Variants in CSRP1 observed in about 807,000 individuals in gnomAD.
The protein encoded by CSRP1 is cysteine and glycine-rich protein 1.
CSRP1 carries 16 observed loss-of-function variants against 25.4 expected under a neutral mutation model. The ratio of observed to expected loss-of-function variants is 0.63; its 90% CI spans 0.43 to 0.96. The LOEUF is 0.96. Among genes scored for constraint, CSRP1 ranks in the 40% least tolerant of loss-of-function variants. CSRP1 has a pLI of 0.00. For missense variants in CSRP1, 212 were observed against 243.6 expected (o/e 0.87, Z 0.86); for synonymous variants, 97 against 95.3 (o/e 1.02, Z -0.10).
At chr1:201,505,708 A>C (rs1664806687) in intron 1 of CSRP1, among the ~76,000 whole-genome samples, 2 of 152,232 alleles carry the variant, frequency 1.3e-5, no homozygotes, top group Non-Finnish European at 2.9e-5. Context: ...TTTAGGAAAC[A>C]ATGGGTAAAA....
At chr1:201,501,702 G>T (rs1047923816) in intron 1 of CSRP1, among the ~76,000 whole-genome samples, 1 of 152,160 alleles carries the variant, frequency 6.6e-6, no homozygotes, top group Non-Finnish European at 1.5e-5. Context: ...TCTCATGAAA[G>T]TCAGGCTCGG....
At chr1:201,502,803 C>T (rs964409732) in intron 1 of CSRP1, among the ~76,000 whole-genome samples, 1 of 152,042 alleles carries the variant, frequency 6.6e-6, no homozygotes, top group Non-Finnish European at 1.5e-5. Flanking sequence ...TCCCCACTTG[C>T]CCCCAGTGCC....
intron 1 of CSRP1, chr1:201,506,812 G>C (rs901869603): frequency 6.6e-6 from 1 of 152,392 alleles, no homozygotes. Context: ...GGCGGTTGCG[G>C]GGAGCCGGGT....
chr1:201,499,251 G>A (rs1006294881), intron 1 of CSRP1, among the ~76,000 whole-genome samples: 12 of 152,146 alleles, frequency 7.9e-5, no homozygotes, highest in Admixed American at 5.2e-4. Context: ...CCTGATCATC[G>A]GCCATTTCCC....
Position 201,483,677 on chromosome 1 carries a change from C to G in CSRP1, c.*1036G>C, listed in dbSNP as rs1217610805. 3 of 277,260 alleles carry G rather than the reference C, an allele frequency of 1.1e-5. No individual in the cohort carries two copies. In the Admixed American group the frequency reaches 1.3e-4, roughly 12 times the overall value. The allele number at this position is 277,260 out of a possible 1,614,324, so 17.2% of individuals were successfully genotyped here. Reference sequence around the variant, plus strand: ...CCCAGCCCTTTCCCCTTCCTCCCACCACTATTCCTAACCTGGGGCCTGGCA... The same window carrying G: ...CCCAGCCCTTTCCCCTTCCTCCCACGACTATTCCTAACCTGGGGCCTGGCA... On this transcript the variant is annotated 3_prime_UTR_variant, in exon 6 of 6. Coordinates refer to ENST00000340006, the MANE Select transcript of CSRP1 (RefSeq NM_004078.3).
intron 1 of CSRP1, among the ~76,000 whole-genome samples, chr1:201,505,199 C>T (rs1664786557): frequency 6.6e-6 from 1 of 152,180 alleles, no homozygotes; most frequent in Admixed American, 6.5e-5. Flanking sequence ...TAACTATTTG[C>T]AAGGTTTATG....
Position 201,484,507 on chromosome 1 carries a change from C to T in CSRP1, c.*206G>A, listed in dbSNP as rs1044329062. The T allele has an allele frequency of 8.7e-5, 52 of 595,944 alleles. No homozygotes were observed. The highest frequency in any genetic ancestry group is 1.5e-4 in the Admixed American group (5 of 33,408). The allele number at this position is 595,944 out of a possible 1,614,324, so 36.9% of individuals were successfully genotyped here. Reference sequence around the variant, plus strand: ...TGAGGTCTCCTACTGGTGATGGTGTCAGATCCCAGGCCTGGGGAGCCCTTT... The same window carrying T: ...TGAGGTCTCCTACTGGTGATGGTGTTAGATCCCAGGCCTGGGGAGCCCTTT... On this transcript the variant is annotated 3_prime_UTR_variant, in exon 6 of 6. Coordinates refer to ENST00000340006, the MANE Select transcript of CSRP1 (RefSeq NM_004078.3).
rs1270162742 is a variant in CSRP1, at chr1:201,484,009, C to G, written c.*704G>C. On this transcript the variant is annotated 3_prime_UTR_variant, in exon 6 of 6. Transcript: ENST00000340006. ...ATTTCATTAGGATCCTCCCATCAAG[C>G]AGGGAACTAGATGTTTGAGAAGATC... 1.0e-5 allele frequency: 7 copies of G among 697,530 alleles called. No individual in the cohort carries two copies. The South Asian group carries it at 1.0e-4, about 10-fold the overall frequency. The allele number at this position is 697,530 out of a possible 1,614,324, so 43.2% of individuals were successfully genotyped here. A position where few individuals can be genotyped will look rare whatever the true frequency, so the allele number is the denominator to read the frequency against.
intron 2 of CSRP1, chr1:201,492,783 C>T (rs747128412): frequency 9.2e-5 from 14 of 152,328 alleles, no homozygotes; most frequent in African/African-American, 3.4e-4. Flanking sequence ...CAGCCCCTGA[C>T]CTCCAGACCT....
intron 4 of CSRP1, chr1:201,485,621 A>C (rs1664110763): frequency 1.9e-6 from 1 of 512,852 alleles, no homozygotes; most frequent in Admixed American, 3.3e-5. Flanking sequence ...TAGGGTCACC[A>C]GCTATACCAC....
chr1:201,499,580 T>G (rs546093720), intron 1 of CSRP1, among the ~76,000 whole-genome samples: 2 of 151,488 alleles, frequency 1.3e-5, no homozygotes, highest in African/African-American at 4.9e-5. Flanking sequence ...ATGGACTGAA[T>G]GCCTACTATG....
intron 4 of CSRP1, chr1:201,488,293 G>C (rs1664210723): frequency 6.6e-6 from 1 of 152,252 alleles, no homozygotes; most frequent in South Asian, 2.1e-4. Context: ...GAATATCATG[G>C]GGGAAGGGCA....
chr1:201,495,901 A>G (rs1664494365), intron 2 of CSRP1: 2 of 339,882 alleles, frequency 5.9e-6, no homozygotes, highest in Admixed American at 4.7e-5. Flanking sequence ...GGAGAGAGAG[A>G]AGAGAGAGCT....
At chr1:201,497,179 C>A (rs913500042) in intron 1 of CSRP1, among the ~76,000 whole-genome samples, 1 of 151,624 alleles carries the variant, frequency 6.6e-6, no homozygotes, top group Non-Finnish European at 1.5e-5. Flanking sequence ...GCCAATGTGG[C>A]GAAACACCAT....
intron 1 of CSRP1, among the ~76,000 whole-genome samples, chr1:201,506,234 C>G (rs1318173608): frequency 6.6e-6 from 1 of 152,098 alleles, no homozygotes; most frequent in East Asian, 1.9e-4. Flanking sequence ...GTGGGGAGAG[C>G]CTGCCCATTC....
chr1:201,489,060 C>T, intron 3 of CSRP1, 76 bp from the exon 4 acceptor site: 4 of 1,579,058 alleles, frequency 2.5e-6, no homozygotes, highest in East Asian at 2.3e-5. Context: ...AGGGCATGAC[C>T]CTACCTTCAT....
intron 2 of CSRP1, among the ~76,000 whole-genome samples, chr1:201,494,042 G>A (rs972992760): frequency 6.6e-6 from 1 of 152,028 alleles, no homozygotes; most frequent in African/African-American, 2.4e-5. Context: ...AGACCCTAGC[G>A]TGACCTGAGA....
At chr1:201,486,330 G>T (rs1664142235) in intron 4 of CSRP1, 1 of 985,298 alleles carries the variant, frequency 1.0e-6, no homozygotes. Context: ...AGAGGCTGAT[G>T]TGTAGACAGC....
At chr1:201,491,497 A>C (rs759214171) in intron 2 of CSRP1, 1 of 152,108 alleles carries the variant, frequency 6.6e-6, no homozygotes, top group Non-Finnish European at 1.5e-5. Flanking sequence ...ATGAGATCTG[A>C]CATGTGAAGT....
Sources: allele counts gnomAD v4.1 joint callset (sites outside exome capture counted in the v4.1 genomes callset), GRCh38; gene constraint gnomAD v4.1.1; transcripts MANE v1.5; gene names NCBI Gene and HGNC (gene_info 2026-07-23, HGNC 2026-07-21).